The following MIF4GD variants were observed in gnomAD, a reference collection of about 807,000 sequenced individuals.
MIF4GD encodes MIF4G domain containing.
A neutral mutation model predicts 26.7 loss-of-function variants in MIF4GD; 22 were observed. The ratio of observed to expected loss-of-function variants is 0.82; its 90% CI spans 0.59 to 1.18. The LOEUF is 1.18. Among genes scored for constraint, MIF4GD ranks in the 50% most tolerant of loss-of-function variants. The probability of loss-of-function intolerance (pLI) is 0.00; values close to 1 mark genes in which losing one functional copy is unlikely to be tolerated. For missense variants in MIF4GD, 262 were observed against 279.6 expected, an observed-to-expected ratio of 0.94 and a Z score of 0.45; for synonymous variants, 137 against 111.6, an observed-to-expected ratio of 1.23 and a Z score of -1.43.
chr17:75,269,601 C>G, intron 2 of MIF4GD: 1 of 902,248 alleles, frequency 1.1e-6, no homozygotes. Context: ...CGCTCTGTAG[C>G]CAGGCTGGAG....
rs567167777 is a variant in MIF4GD at position 75,267,575 on chromosome 17, C to T, written c.404G>A (p.Arg135Gln). ...LVNPVYDCLF[R>Q]LAQPDSLSKE... ...GCTCAAACTGTCTGGCTGGGCCAGC[C>T]GGAAGAGGCAGTCATAGACAGGGTT... Residue 135 changes from arginine (R) to glutamine (Q), a missense_variant, in exon 5 of 6, where the codon CGG becomes CAG. By Grantham distance (43) the Arg-to-Gln change is conservative. Coordinates refer to ENST00000325102, the MANE Select transcript of MIF4GD (RefSeq NM_001370592.1). The T allele has an allele frequency of 1.8e-5, 29 of 1,614,168 alleles. No homozygotes were observed. The highest frequency in any genetic ancestry group is 7.7e-5 in the South Asian group (7 of 91,082).
At chr17:75,267,689 C>T (rs1042647584) in intron 4 of MIF4GD, 57 bp downstream of exon 4, 1 of 1,612,522 alleles carries the variant, frequency 6.2e-7, no homozygotes, top group Non-Finnish European at 8.5e-7. Flanking sequence ...AGCAGTCCAA[C>T]CTGGGCCTCA....
chr17:75,269,300 C>T lies in MIF4GD; in HGVS notation c.82+814G>A, dbSNP rs377702727. ...GCCACATAGGGCCTCCCAACAGGCT[C>T]GGCTTGACACATGATGGGTGTTGCT... On this transcript the variant is annotated intron_variant, in intron 2 of 5. Transcript: ENST00000325102. The T allele has an allele frequency of 8.7e-5, 140 of 1,607,280 alleles. 2 individuals are homozygous for T. The South Asian group carries it at 9.3e-4, about 11-fold the overall frequency.
At position 75,268,671 on chromosome 17, in the gene MIF4GD, C is replaced by CAA. The variant is rs1192409186; in HGVS notation, c.83-481_83-480dup. 4.7e-3 allele frequency among the ~76,000 whole-genome samples: 227 copies of CAA among 47,830 alleles called. 1 individual carries two copies. The highest frequency in any genetic ancestry group is 0.015 in the African/African-American group (207 of 14,128). The allele number at this position is 47,830 out of a possible 152,430, so 31.4% of individuals were successfully genotyped here. Reference sequence around the variant, plus strand: ...TGGGCGACAAAGCAAGACTCCGTCTCAAAAAAAAAAAAAAAAAGAAAAAAA... The same window carrying CAA: ...TGGGCGACAAAGCAAGACTCCGTCTCAAAAAAAAAAAAAAAAAAAGAAAAAAA... On this transcript the variant is annotated intron_variant, in intron 2 of 5. Coordinates refer to ENST00000325102, the MANE Select transcript of MIF4GD (RefSeq NM_001370592.1).
Position 75,270,129 on chromosome 17 carries a change from T to C in MIF4GD, c.67A>G (p.Lys23Glu), listed in dbSNP as rs201888516. 2.5e-6 allele frequency: 4 copies of C among 1,614,026 alleles called. No homozygotes were observed. Among genetic ancestry groups the C allele is most frequent in the Admixed American group, 1.7e-5 (1 of 60,026 alleles). The change falls in exon 2 of 6, where the codon AAG (lysine) becomes GAG (glutamate). Residue 23 changes from lysine to glutamate, a missense_variant. Physicochemically the swap from Lys to Glu is moderately conservative, Grantham distance 56 (BLOSUM62 1). Coordinates refer to ENST00000325102, the MANE Select transcript of MIF4GD (RefSeq NM_001370592.1). The surrounding 1 kb of genome is among the most constrained non-coding windows in gnomAD (Gnocchi z 5.7). ...CCGTGCTCACCTTTGAGTGCTGTCT[T>C]CAGCAGCTGCTGGGTCTCTGCATCA... ...SFDAETQQLL[K>E]TALKDPGAVD... is the part of the protein sequence containing the mutation.
At chr17:75,268,671 CAAAA>C (rs1192409186) in intron 2 of MIF4GD, among the ~76,000 whole-genome samples, 2 of 47,830 alleles carry the variant, frequency 4.2e-5, no homozygotes, top group Non-Finnish European at 4.5e-5. Flanking sequence ...GACTCCGTCT[CAAAA>C]AAAAAAAAAA....
chr17:75,267,567 G>A lies in MIF4GD; in HGVS notation c.412C>T (p.Gln138Ter). 6.2e-7 allele frequency: 1 copy of A among 1,614,182 alleles called. No individual in the cohort carries two copies. The highest frequency in any genetic ancestry group is 8.5e-7 in the Non-Finnish European group (1 of 1,180,028). Residue 138 changes from glutamine to a stop codon, truncating the protein, a stop_gained, in exon 5 of 6, where the codon CAG becomes TAG. Coordinates refer to ENST00000325102, the MANE Select transcript of MIF4GD (RefSeq NM_001370592.1). LOFTEE classifies it high-confidence loss of function. Reference sequence around the variant, plus strand: ...TCCTCCTTGCTCAAACTGTCTGGCTGGGCCAGCCGGAAGAGGCAGTCATAG... The same window carrying A: ...TCCTCCTTGCTCAAACTGTCTGGCTAGGCCAGCCGGAAGAGGCAGTCATAG... ...PVYDCLFRLA[Q>*]PDSLSKEEEV... is the part of the protein sequence containing the mutation.
At position 75,266,538 on chromosome 17, in the gene MIF4GD, T is replaced by G; in HGVS notation, c.*202A>C. 1 of 604,170 alleles carries G rather than the reference T, an allele frequency of 1.7e-6. No homozygotes were observed. The highest frequency in any genetic ancestry group is 2.9e-6 in the Non-Finnish European group (1 of 340,284). 37.4% of individuals were successfully genotyped at this position (604,170 alleles called of 1,614,324 possible). A position where few individuals can be genotyped will look rare whatever the true frequency, so the allele number is the denominator to read the frequency against. On this transcript the variant is annotated 3_prime_UTR_variant, in exon 6 of 6. Transcript: ENST00000325102. The stretch of plus-strand genomic sequence containing the variant: ...GTTGCCCTTCTCTGCCTGGCCGTGG[T>G]GGGTTGTGGTGGGGAAAGGGGCTCA...
At position 75,268,095 on chromosome 17, in the gene MIF4GD, G is replaced by A. The variant is rs764669487; in HGVS notation, c.180C>T (p.Tyr60=). Residue 60 remains tyrosine (Y), a synonymous_variant, in exon 3 of 6, where the codon TAC becomes TAT. Coordinates refer to ENST00000325102, the MANE Select transcript of MIF4GD (RefSeq NM_001370592.1). ...CCCAACCCCCAACCTGAATGATGGC[G>A]TAGCACATGCGTCCTGCTTCCTTGC... ...VFSKEAGRMC[Y]AIIQAESKQA... The A allele has an allele frequency of 1.8e-5, 29 of 1,613,962 alleles. No homozygotes were observed. The highest frequency in any genetic ancestry group is 5.0e-5 in the Admixed American group (3 of 60,012).
At chr17:75,268,357 G>A (rs747333010) in intron 2 of MIF4GD, among the ~76,000 whole-genome samples, 165 bp from the exon 3 acceptor site, 2 of 152,166 alleles carry the variant, frequency 1.3e-5, no homozygotes, top group African/African-American at 2.4e-5. Context: ...CAATTGGTTA[G>A]CGCATGGTAC....
chr17:75,268,763 T>C (rs1357193873), intron 2 of MIF4GD, among the ~76,000 whole-genome samples: 1 of 151,320 alleles, frequency 6.6e-6, no homozygotes, highest in East Asian at 1.9e-4. Flanking sequence ...TTTGAGAGGC[T>C]GAGGCGGGTG....
chr17:75,269,128 C>T (rs951690486), intron 2 of MIF4GD, among the ~76,000 whole-genome samples: 3 of 152,158 alleles, frequency 2.0e-5, no homozygotes, highest in Admixed American at 2.0e-4. Context: ...AGGGACCAAT[C>T]AAAGTAAGAA....
rs2077684614 is a variant in MIF4GD, at chr17:75,270,276, A to T, written c.-50-31T>A. ...GAGAAGAGGCGAAGGGAGCGGCCTC[A>T]GGTGTGGAGCGCAGGGCGGGTTCCG... is the stretch of plus-strand genomic sequence containing the variant. On this transcript the variant is annotated intron_variant, in intron 1 of 5. Coordinates refer to ENST00000325102, the MANE Select transcript of MIF4GD (RefSeq NM_001370592.1). This position sits in a 1 kb window ranked among gnomAD's most constrained non-coding sequence, Gnocchi z 5.7. 7.7e-7 allele frequency: 1 copy of T among 1,292,222 alleles called. No individual in the cohort carries two copies. Among genetic ancestry groups the T allele is most frequent in the African/African-American group, 1.5e-5 (1 of 68,380 alleles). The allele number at this position is 1,292,222 out of a possible 1,614,324, so 80.0% of individuals were successfully genotyped here.
chr17:75,269,120 G>A (rs147359654), intron 2 of MIF4GD, among the ~76,000 whole-genome samples: 41 of 152,328 alleles, frequency 2.7e-4, no homozygotes, highest in African/African-American at 9.6e-4. Flanking sequence ...TGGCTAGTAG[G>A]GACCAATCAA....
At chr17:75,269,411 A>G in intron 2 of MIF4GD, 1 of 1,614,162 alleles carries the variant, frequency 6.2e-7, no homozygotes. Context: ...TCCTCTGGCA[A>G]ACGGAATATT....
At position 75,266,453 on chromosome 17, in the gene MIF4GD, A is replaced by G. The variant is rs577459943; in HGVS notation, c.*287T>C. ...ATGCTTACCCATTTTACAGATGGGTAAACTGAGGCACCAAGGTAGTAGTTG... is the reference window on the plus strand; with the variant it reads ...ATGCTTACCCATTTTACAGATGGGTGAACTGAGGCACCAAGGTAGTAGTTG... On this transcript the variant is annotated 3_prime_UTR_variant, in exon 6 of 6. Coordinates refer to ENST00000325102, the MANE Select transcript of MIF4GD (RefSeq NM_001370592.1). 1 of 495,218 alleles carries G rather than the reference A, an allele frequency of 2.0e-6. No individual in the cohort carries two copies. The highest frequency in any genetic ancestry group is 3.3e-5 in the Admixed American group (1 of 30,410). 30.7% of individuals were successfully genotyped at this position (495,218 alleles called of 1,614,324 possible).
rs1025471655 is a variant in MIF4GD, at chr17:75,267,845, C to T, written c.249G>A (p.Leu83=). 9 of 1,613,932 alleles carry T rather than the reference C, an allele frequency of 5.6e-6. No individual in the cohort carries two copies. The highest frequency in any genetic ancestry group is 1.3e-5 in the African/African-American group (1 of 74,948). ...SVFRRGLLNR[L]QQEYQAREQL... ...GCTCCCGAGCCTGGTACTCCTGCTG[C>T]AGCCGGTTGAGGAGTCCACGTCGGA... Residue 83 remains leucine, a synonymous_variant, in exon 4 of 6, where the codon CTG becomes CTA. Transcript: ENST00000325102.
In MIF4GD at chr17:75,266,521, T is replaced by C. The variant is rs553707414; in HGVS notation, c.*219A>G. 9 of 594,852 alleles carry C rather than the reference T, an allele frequency of 1.5e-5. No homozygotes were observed. The East Asian group carries it at 2.6e-4, about 17-fold the overall frequency. The allele number at this position is 594,852 out of a possible 1,614,324, so 36.8% of individuals were successfully genotyped here. A position where few individuals can be genotyped will look rare whatever the true frequency, so the allele number is the denominator to read the frequency against. On this transcript the variant is annotated 3_prime_UTR_variant, in exon 6 of 6. Transcript: ENST00000325102. Reference sequence around the variant, plus strand: ...TGCAGTGGCTCTTGGGAGTTGCCCTTCTCTGCCTGGCCGTGGTGGGTTGTG... The same window carrying C: ...TGCAGTGGCTCTTGGGAGTTGCCCTCCTCTGCCTGGCCGTGGTGGGTTGTG...
chr17:75,266,639 T>C lies in MIF4GD; in HGVS notation c.*101A>G. 9.1e-7 allele frequency: 1 copy of C among 1,099,276 alleles called. No homozygotes were observed. The highest frequency in any genetic ancestry group is 1.4e-6 in the Non-Finnish European group (1 of 724,514). The allele number at this position is 1,099,276 out of a possible 1,614,324, so 68.1% of individuals were successfully genotyped here. On this transcript the variant is annotated 3_prime_UTR_variant, in exon 6 of 6. Transcript: ENST00000325102. ...TCTAGAAGGGAAGACACTCAAAGTC[T>C]GGAAGGGAAAAGTCTTTGGGTGAGG...
Sources: gnomAD v4.1 joint callset for allele counts (sites outside exome capture counted in the v4.1 genomes callset) on GRCh38, gnomAD v4.1.1 for gene constraint, Gnocchi (gnomAD v3.1) non-coding constraint, MANE v1.5 for transcripts, NCBI Gene and HGNC (gene_info 2026-07-23, HGNC 2026-07-21) for gene names.